ELP4: variants seen among roughly 807,000 people sequenced by gnomAD.
ELP4 encodes elongator acetyltransferase complex subunit 4, also known as elongator complex protein 4.
Under a neutral mutation model 48.9 loss-of-function variants are expected in ELP4, and 51 were observed. The ratio of observed to expected loss-of-function variants is 1.04; its 90% confidence interval spans 0.83 to 1.32. The LOEUF (loss-of-function observed/expected upper bound fraction) is 1.32. Ranked by LOEUF, ELP4 falls within the 40% of genes most tolerant of loss-of-function variation. The probability of loss-of-function intolerance (pLI) is 0.00; values close to 1 mark genes in which losing one functional copy is unlikely to be tolerated. For synonymous variants in ELP4, 210 were observed against 189.2 expected, an observed-to-expected ratio of 1.11 and a Z score of -0.90; for missense variants, 519 against 514.6, an observed-to-expected ratio of 1.01 and a Z score of -0.08.
chr11:31,781,362 C>G (rs1452119423), intron 9 of ELP4, among the ~76,000 whole-genome samples: 1 of 151,976 alleles, frequency 6.6e-6, no homozygotes, highest in African/African-American at 2.4e-5. Flanking sequence ...AACATTAAAA[C>G]TCAGACATAA....
At chr11:31,599,522 C>CACAA (rs1350916176) in intron 4 of ELP4, 23 of 126,622 alleles carry the variant, frequency 1.8e-4, no homozygotes, top group African/African-American at 8.3e-4. Flanking sequence ...CACACACACA[C>CACAA]AAAAAAAAAA....
intron 9 of ELP4, among the ~76,000 whole-genome samples, chr11:31,722,463 AT>A (rs1207735994): frequency 6.6e-6 from 1 of 152,230 alleles, no homozygotes; most frequent in Non-Finnish European, 1.5e-5. Context: ...ATAATCAATC[AT>A]CTGTGACTTC....
At chr11:31,560,939 G>A (rs768110713) in intron 3 of ELP4, among the ~76,000 whole-genome samples, 1 of 152,068 alleles carries the variant, frequency 6.6e-6, no homozygotes, top group South Asian at 2.1e-4. Flanking sequence ...TGGTAGCCTA[G>A]CAGCAGTAAG....
At chr11:31,607,799 T>G (rs538293975) in intron 5 of ELP4, among the ~76,000 whole-genome samples, 1 of 152,340 alleles carries the variant, frequency 6.6e-6, no homozygotes, top group African/African-American at 2.4e-5. Flanking sequence ...TTATATTGTC[T>G]GAGTTTTCTA....
At chr11:31,722,665 TTCTCTCTCTC>T (rs71060499) in intron 9 of ELP4, among the ~76,000 whole-genome samples, 147 of 144,286 alleles carry the variant, frequency 1.0e-3, no homozygotes, top group Non-Finnish European at 1.4e-3. Context: ...AAGGTGTCTC[TTCTCTCTCTC>T]TCTCTCTCTC....
At chr11:31,734,917 A>G (rs1481080246) in intron 9 of ELP4, among the ~76,000 whole-genome samples, 1 of 152,222 alleles carries the variant, frequency 6.6e-6, no homozygotes, top group East Asian at 1.9e-4. Context: ...CATGAGAAAG[A>G]AGAACAAAGC....
At chr11:31,557,013 A>C (rs1224137413) in intron 3 of ELP4, among the ~76,000 whole-genome samples, 2 of 151,952 alleles carry the variant, frequency 1.3e-5, no homozygotes, top group Admixed American at 1.3e-4. Flanking sequence ...TCATAATTGA[A>C]AATGAATACT....
intron 9 of ELP4, chr11:31,681,947 G>C: frequency 1.8e-6 from 1 of 542,584 alleles, no homozygotes; most frequent in Non-Finnish European, 2.9e-6. Flanking sequence ...CACCATGTTG[G>C]CCAGGCTGGT....
chr11:31,656,479 A>T (rs1202162455), intron 9 of ELP4, among the ~76,000 whole-genome samples: 1 of 152,058 alleles, frequency 6.6e-6, no homozygotes, highest in East Asian at 1.9e-4. Context: ...CAAATGAATC[A>T]TCTTTCTTTG....
chr11:31,583,693 T>G (rs1430195662), intron 3 of ELP4, among the ~76,000 whole-genome samples: 1 of 152,344 alleles, frequency 6.6e-6, no homozygotes, highest in Non-Finnish European at 1.5e-5. Flanking sequence ...CTGGTTGATA[T>G]AAGTGAAAAG....
chr11:31,776,636 C>T (rs1948253729), intron 9 of ELP4, among the ~76,000 whole-genome samples: 1 of 152,134 alleles, frequency 6.6e-6, no homozygotes, highest in South Asian at 2.1e-4. Flanking sequence ...GGAGGCAAGA[C>T]AATACTGTCA....
At chr11:31,744,034 A>G (rs1391070371) in intron 9 of ELP4, among the ~76,000 whole-genome samples, 1 of 152,158 alleles carries the variant, frequency 6.6e-6, no homozygotes, top group East Asian at 1.9e-4. Flanking sequence ...AATCAAATAG[A>G]CGCAATAAAA....
chr11:31,708,972 T>G (rs1211086925), intron 9 of ELP4, among the ~76,000 whole-genome samples: 3 of 152,164 alleles, frequency 2.0e-5, no homozygotes, highest in African/African-American at 4.8e-5. Flanking sequence ...TAGACTTTCA[T>G]CAGCATTATC....
chr11:31,587,269 C>T (rs1373370793), intron 3 of ELP4, among the ~76,000 whole-genome samples: 1 of 152,090 alleles, frequency 6.6e-6, no homozygotes, highest in Non-Finnish European at 1.5e-5. Context: ...TGAATGAATC[C>T]ATGTTAACAA....
chr11:31,584,677 G>A (rs1386864522), intron 3 of ELP4, among the ~76,000 whole-genome samples: 1 of 151,852 alleles, frequency 6.6e-6, no homozygotes, highest in Non-Finnish European at 1.5e-5. Context: ...ACACGCACCC[G>A]CCATTTTTTG....
intron 2 of ELP4, among the ~76,000 whole-genome samples, chr11:31,522,509 A>G (rs1266365993): frequency 6.6e-6 from 1 of 152,210 alleles, no homozygotes; most frequent in African/African-American, 2.4e-5. Context: ...ATAGGATTTG[A>G]TTATATAGAT....
At chr11:31,681,495 A>T (rs973338559) in intron 9 of ELP4, among the ~76,000 whole-genome samples, 4 of 152,294 alleles carry the variant, frequency 2.6e-5, no homozygotes, top group East Asian at 1.9e-4. Flanking sequence ...GATTAGATAG[A>T]TGTGCAAAAA....
rs541125977 is a variant in ELP4, at chr11:31,538,844, A to G, written c.260-818A>G. Among the ~76,000 whole-genome samples the G allele has an allele frequency of 3.4e-4, 52 of 152,276 alleles. 1 individual carries two copies. The highest frequency in any genetic ancestry group is 6.6e-4 in the Non-Finnish European group (45 of 68,006). ...AACACTGGCCTCATAAAATGAGTTT[A>G]GAAGTGTTTCATCCTTTCCTCTTTT... On this transcript the variant is annotated intron_variant, in intron 2 of 9. Transcript: ENST00000640961.
chr11:31,738,373 C>G (rs1312415062), intron 9 of ELP4, among the ~76,000 whole-genome samples: 1 of 151,608 alleles, frequency 6.6e-6, no homozygotes, highest in African/African-American at 2.4e-5. Flanking sequence ...GATTACACCA[C>G]TGTACGCCAG....
Sources: allele counts gnomAD v4.1 joint callset (sites outside exome capture counted in the v4.1 genomes callset), GRCh38; gene constraint gnomAD v4.1.1; transcripts MANE v1.5; gene names NCBI Gene and HGNC (gene_info 2026-07-23, HGNC 2026-07-21).